The following ALDH18A1 variants were observed in gnomAD, a reference collection of about 807,000 sequenced individuals.
The protein encoded by ALDH18A1 is delta-1-pyrroline-5-carboxylate synthase.
Under a neutral mutation model 88.8 loss-of-function variants are expected in ALDH18A1, and 44 were observed. That is an observed-to-expected ratio of 0.50 (90% CI 0.39 to 0.64). The LOEUF (loss-of-function observed/expected upper bound fraction) is 0.64. Among genes scored for constraint, ALDH18A1 ranks in the 30% least tolerant of loss-of-function variants. ALDH18A1 has a pLI of 0.00. For missense variants in ALDH18A1, 782 were observed against 1,009.5 expected (o/e 0.77, Z 3.05); for synonymous variants, 331 against 372.1 (o/e 0.89, Z 1.27).
chr10:95,635,952 TAAA>T (rs2097879812), intron 5 of ALDH18A1, among the ~76,000 whole-genome samples: 1 of 150,846 alleles, frequency 6.6e-6, no homozygotes, highest in South Asian at 2.1e-4. Flanking sequence ...AACCAAATAA[TAAA>T]GAAGAGTGAT....
chr10:95,621,165 C>T lies in ALDH18A1; in HGVS notation c.1333G>A (p.Ala445Thr). The change falls in exon 12 of 18, where the codon GCC becomes ACC. Residue 445 changes from alanine (A) to threonine (T), a missense_variant. Ala to Thr is a moderately conservative substitution (Grantham distance 58). Around this residue, in one of 3 missense-constraint regions of ALDH18A1, gnomAD observed 556 missense variants for 654.5 expected, o/e 0.85. Coordinates refer to ENST00000371224, the MANE Select transcript of ALDH18A1 (RefSeq NM_002860.4). Reference protein sequence around the residue: ...SLAIGLRQIAASSQDSVGRVL... With the variant: ...SLAIGLRQIATSSQDSVGRVL... ...CGTCCCACGCTGTCCTGGGAGGAGG[C>T]TGCGATCTGTCGCAGACCGATGGCC... The T allele has an allele frequency of 6.2e-7, 1 of 1,614,108 alleles. No homozygotes were observed. The highest frequency in any genetic ancestry group is 8.5e-7 in the Non-Finnish European group (1 of 1,180,024).
intron 6 of ALDH18A1, among the ~76,000 whole-genome samples, 168 bp from the exon 7 acceptor site, chr10:95,633,217 C>T (rs2097874027): frequency 6.6e-6 from 1 of 152,202 alleles, no homozygotes; most frequent in Non-Finnish European, 1.5e-5. Flanking sequence ...CTGCAGAACA[C>T]ACTGTCTACT....
At chr10:95,610,977 ACCT>A in intron 16 of ALDH18A1, among the ~76,000 whole-genome samples, 1 of 152,194 alleles carries the variant, frequency 6.6e-6, no homozygotes, top group African/African-American at 2.4e-5. Flanking sequence ...TATTTTAACT[ACCT>A]TGTAAGATTT....
At chr10:95,655,523 T>A (rs781520172) in intron 1 of ALDH18A1, among the ~76,000 whole-genome samples, 1 of 146,810 alleles carries the variant, frequency 6.8e-6, no homozygotes, top group African/African-American at 2.5e-5. Flanking sequence ...CAAGAGTCAT[T>A]GAAAGCTCTG....
At position 95,653,292 on chromosome 10, in the gene ALDH18A1, G is replaced by C. The variant is rs199567537; in HGVS notation, c.86C>G (p.Ser29Cys). ...PWVKCTTVFR[S>C]HCIQPSVIRH... ...CATAAGTTTTCTATGGTACATACGA[G>C]ATCTGAAGACGGTTGTACACTTGAC... Residue 29 changes from serine to cysteine, a missense_variant and splice_region_variant, in exon 2 of 18, where the codon TCT becomes TGT. Ser to Cys is a moderately radical substitution (Grantham distance 112). Transcript: ENST00000371224. 1.2e-6 allele frequency: 2 copies of C among 1,610,470 alleles called. No individual in the cohort carries two copies. The highest frequency in any genetic ancestry group is 1.7e-6 in the Non-Finnish European group (2 of 1,178,196).
intron 12 of ALDH18A1, 55 bp downstream of exon 12, chr10:95,620,976 T>C (rs2097851362): frequency 9.5e-6 from 14 of 1,467,178 alleles, no homozygotes; most frequent in South Asian, 3.4e-5. Context: ...CTTCCTCCAA[T>C]ATCCACACCA....
At position 95,606,874 on chromosome 10, in the gene ALDH18A1, G is replaced by C; in HGVS notation, c.2276C>G (p.Thr759Ser). ...RGPVGLEGLL[T>S]TKWLLRGKDH... is the part of the protein sequence containing the mutation. The stretch of plus-strand genomic sequence containing the variant: ...CTTCCCTCGCAGCAGCCACTTAGTA[G>C]TAAGCAGTCCCTCAAGTCCTACTGG... The change falls in exon 18 of 18, where the codon ACT becomes AGT. Residue 759 changes from threonine (T) to serine (S), a missense_variant. Physicochemically the swap from Thr to Ser is moderately conservative, Grantham distance 58. Transcript: ENST00000371224. 6.2e-7 allele frequency: 1 copy of C among 1,614,162 alleles called. No homozygotes were observed. The highest frequency in any genetic ancestry group is 8.5e-7 in the Non-Finnish European group (1 of 1,180,022).
chr10:95,633,350 C>T, intron 6 of ALDH18A1, 141 bp downstream of exon 6: 1 of 1,073,080 alleles, frequency 9.3e-7, no homozygotes, highest in Non-Finnish European at 1.4e-6. Flanking sequence ...TTCAGAAGAG[C>T]TTATGCAGTC....
chr10:95,656,001 C>T (rs1261866108), intron 1 of ALDH18A1, among the ~76,000 whole-genome samples: 1 of 151,980 alleles, frequency 6.6e-6, no homozygotes, highest in African/African-American at 2.4e-5. Flanking sequence ...GGGGGAAGGA[C>T]GAGGTGGGGT....
At chr10:95,631,148 A>C (rs1417348443) in intron 7 of ALDH18A1, among the ~76,000 whole-genome samples, 1 of 152,208 alleles carries the variant, frequency 6.6e-6, no homozygotes, top group Non-Finnish European at 1.5e-5. Context: ...TGTGAAATGG[A>C]AATAGCTTAA....
chr10:95,633,048 A>C lies in ALDH18A1; in HGVS notation c.719T>G (p.Val240Gly). ...EPNSDLQGVN[V>G]ISVKDNDSLA... is the part of the protein sequence containing the mutation. ...GCTATCATTATCTTTAACACTAATA[A>C]CCTAGAATGCAGATTAAAAAGTCAT... is the stretch of plus-strand genomic sequence containing the variant. The change falls in exon 7 of 18, where the codon GTT becomes GGT. Residue 240 changes from valine to glycine, a missense_variant and splice_region_variant. Physicochemically the swap from Val to Gly is moderately radical, Grantham distance 109. Transcript: ENST00000371224. 6.2e-7 allele frequency: 1 copy of C among 1,613,228 alleles called. No homozygotes were observed. The highest frequency in any genetic ancestry group is 8.5e-7 in the Non-Finnish European group (1 of 1,179,160).
rs936054068 is a variant in ALDH18A1 at position 95,609,256 on chromosome 10, C to T, written c.2206+941G>A. ...ACGACAGAGGGCTGGAAATTTTATACCTAATGGAAAGGGACAGAAGTGCCC... is the reference window on the plus strand; with the variant it reads ...ACGACAGAGGGCTGGAAATTTTATATCTAATGGAAAGGGACAGAAGTGCCC... On this transcript the variant is annotated intron_variant, in intron 17 of 17. Transcript: ENST00000371224. Among the ~76,000 whole-genome samples, 40 of 152,308 alleles carry T rather than the reference C, an allele frequency of 2.6e-4. 1 individual carries two copies. Among genetic ancestry groups the T allele is most frequent in the African/African-American group, 8.9e-4 (37 of 41,556 alleles).
chr10:95,608,017 G>T (rs2097826007), intron 17 of ALDH18A1, among the ~76,000 whole-genome samples: 1 of 152,230 alleles, frequency 6.6e-6, no homozygotes, highest in Non-Finnish European at 1.5e-5. Flanking sequence ...TCATGCCTCA[G>T]TTTCTTCATC....
At chr10:95,633,712 A>G (rs2097875130) in intron 5 of ALDH18A1, 63 bp from the exon 6 acceptor site, 1 of 1,577,450 alleles carries the variant, frequency 6.3e-7, no homozygotes, top group Admixed American at 1.7e-5. Context: ...CCCAGTATAC[A>G]AAAGACGCTA....
intron 11 of ALDH18A1, 115 bp downstream of exon 11, chr10:95,625,247 A>G (rs1468407820): frequency 5.4e-6 from 5 of 922,796 alleles, no homozygotes; most frequent in Non-Finnish European, 8.9e-6. Flanking sequence ...ATAATGTACA[A>G]TTTCTTTTAT....
chr10:95,620,960 T>C, intron 12 of ALDH18A1, 71 bp downstream of exon 12: 1 of 1,356,266 alleles, frequency 7.4e-7, no homozygotes, highest in Non-Finnish European at 1.0e-6. Flanking sequence ...GAAAAGAAAA[T>C]ATATTCTTCC....
intron 11 of ALDH18A1, among the ~76,000 whole-genome samples, chr10:95,624,355 T>C (rs2097857574): frequency 2.0e-5 from 3 of 152,210 alleles, no homozygotes; most frequent in Admixed American, 1.3e-4. Flanking sequence ...TTAATTCTTT[T>C]ACTTTAAATT....
chr10:95,620,658 T>C (rs1170376562), intron 12 of ALDH18A1, among the ~76,000 whole-genome samples: 1 of 152,026 alleles, frequency 6.6e-6, no homozygotes, highest in Admixed American at 6.6e-5. Context: ...TGCATGATTC[T>C]CTTGAGAGAA....
intron 7 of ALDH18A1, 111 bp downstream of exon 7, chr10:95,632,848 T>C: frequency 1.1e-6 from 1 of 929,516 alleles, no homozygotes; most frequent in Non-Finnish European, 1.7e-6. Flanking sequence ...TGGCTAATGA[T>C]CTATAGCAAA....
Sources: allele counts gnomAD v4.1 joint callset (sites outside exome capture counted in the v4.1 genomes callset), GRCh38; gene constraint gnomAD v4.1.1; regional missense constraint gnomAD v4.1.1; transcripts MANE v1.5; gene names NCBI Gene and HGNC (gene_info 2026-07-23, HGNC 2026-07-21).